The following PDZRN4 variants were observed in gnomAD, a reference collection of about 807,000 sequenced individuals.
The protein encoded by PDZRN4 is PDZ domain-containing RING finger protein 4.
Under a neutral mutation model 99.0 loss-of-function variants are expected in PDZRN4, and 70 were observed. That is an observed-to-expected ratio of 0.71 (90% CI 0.58 to 0.86). PDZRN4 has a LOEUF of 0.86. Among genes scored for constraint, PDZRN4 ranks in the 40% least tolerant of loss-of-function variants. PDZRN4 has a pLI of 0.00. For missense variants in PDZRN4, 1,474 were observed against 1,331.2 expected (o/e 1.11, Z -1.67); for synonymous variants, 551 against 501.6 (o/e 1.10, Z -1.32).
chr12:41,558,818 T>C (rs1939214397), intron 7 of PDZRN4, among the ~76,000 whole-genome samples: 1 of 152,174 alleles, frequency 6.6e-6, no homozygotes, highest in South Asian at 2.1e-4. Context: ...CAAAGAGTCT[T>C]AAGGGTGATT....
intron 4 of PDZRN4, among the ~76,000 whole-genome samples, chr12:41,507,744 A>G (rs1424762038): frequency 6.6e-6 from 1 of 152,272 alleles, no homozygotes. Flanking sequence ...ACACTTCTTG[A>G]GACTTCGAGT....
chr12:41,469,855 G>A (rs1047119396), intron 3 of PDZRN4, among the ~76,000 whole-genome samples: 2 of 152,142 alleles, frequency 1.3e-5, no homozygotes, highest in Non-Finnish European at 2.9e-5. Flanking sequence ...GTGTGAACCT[G>A]GGAGGCAGAG....
At chr12:41,413,457 C>G (rs1341607959) in intron 3 of PDZRN4, among the ~76,000 whole-genome samples, 1 of 152,060 alleles carries the variant, frequency 6.6e-6, no homozygotes, top group African/African-American at 2.4e-5. Context: ...TTCTATACCA[C>G]TGTAAGATGA....
At chr12:41,381,682 ACTT>A (rs1362761711) in intron 3 of PDZRN4, among the ~76,000 whole-genome samples, 1 of 152,000 alleles carries the variant, frequency 6.6e-6, no homozygotes, top group African/African-American at 2.4e-5. Context: ...AGTTCACTGA[ACTT>A]CATTTAAAGG....
intron 3 of PDZRN4, among the ~76,000 whole-genome samples, chr12:41,483,163 C>T (rs1937708087): frequency 6.6e-6 from 1 of 152,012 alleles, no homozygotes; most frequent in African/African-American, 2.4e-5. Flanking sequence ...ATTTTCCCCT[C>T]TTTATGAAAG....
chr12:41,334,578 C>T (rs1951761473), intron 3 of PDZRN4, among the ~76,000 whole-genome samples: 1 of 152,080 alleles, frequency 6.6e-6, no homozygotes, highest in South Asian at 2.1e-4. Context: ...GCAGGAGCTT[C>T]TCTCAGAACC....
chr12:41,521,527 C>G (rs1240720454), intron 5 of PDZRN4, among the ~76,000 whole-genome samples: 1 of 152,030 alleles, frequency 6.6e-6, no homozygotes, highest in Non-Finnish European at 1.5e-5. Context: ...ACGATTACAT[C>G]ATATTTGGAC....
intron 3 of PDZRN4, among the ~76,000 whole-genome samples, chr12:41,436,961 A>G (rs897056260): frequency 2.6e-5 from 4 of 152,232 alleles, no homozygotes; most frequent in Admixed American, 2.6e-4. Flanking sequence ...AATTTTTCTT[A>G]GAAAAGGCAT....
intron 3 of PDZRN4, among the ~76,000 whole-genome samples, chr12:41,447,777 T>C (rs766684963): frequency 6.6e-6 from 1 of 152,022 alleles, no homozygotes; most frequent in Non-Finnish European, 1.5e-5. Context: ...AATGTTAGAG[T>C]ACATGTTCAT....
intron 3 of PDZRN4, among the ~76,000 whole-genome samples, chr12:41,332,541 G>T (rs1349240419): frequency 6.6e-6 from 1 of 151,918 alleles, no homozygotes; most frequent in African/African-American, 2.4e-5. Flanking sequence ...TGATGGGAAA[G>T]ATCCTCTGAT....
chr12:41,324,576 A>G (rs1446675167), intron 3 of PDZRN4, among the ~76,000 whole-genome samples: 1 of 152,126 alleles, frequency 6.6e-6, no homozygotes, highest in African/African-American at 2.4e-5. Flanking sequence ...CTGGTTTGTC[A>G]TACATGTGTC....
chr12:41,261,111 C>T (rs1028646615), intron 3 of PDZRN4, among the ~76,000 whole-genome samples: 4 of 152,048 alleles, frequency 2.6e-5, no homozygotes, highest in Non-Finnish European at 4.4e-5. Context: ...ACATAGGATT[C>T]TCTGTCCTCT....
At chr12:41,257,121 A>G (rs1951209037) in intron 3 of PDZRN4, among the ~76,000 whole-genome samples, 1 of 152,192 alleles carries the variant, frequency 6.6e-6, no homozygotes, top group African/African-American at 2.4e-5. Flanking sequence ...TTGCAGCCTA[A>G]GTAATGCTTT....
intron 3 of PDZRN4, among the ~76,000 whole-genome samples, chr12:41,243,021 A>G (rs61587111): frequency 0.073 from 11,169 of 152,132 alleles, 803 homozygotes; most frequent in African/African-American, 0.19. Flanking sequence ...GGTAAGATTC[A>G]TTTCAGTATT....
rs1189709212 is a variant in PDZRN4, at chr12:41,322,174, G to C, written c.843+127986G>C. 2.6e-5 allele frequency among the ~76,000 whole-genome samples: 4 copies of C among 152,126 alleles called. No individual in the cohort carries two copies. In the South Asian group the frequency reaches 6.2e-4, roughly 24 times the overall value. On this transcript the variant is annotated intron_variant, in intron 3 of 9. Transcript: ENST00000402685. Reference sequence around the variant, plus strand: ...AGCCTCCCAAGTAGCTGGGACTACAGGAACGTGCCACCACACCCAGCTATT... The same window carrying C: ...AGCCTCCCAAGTAGCTGGGACTACACGAACGTGCCACCACACCCAGCTATT...
intron 3 of PDZRN4, among the ~76,000 whole-genome samples, chr12:41,205,128 A>G (rs1197345913): frequency 1.3e-5 from 2 of 151,964 alleles, no homozygotes; most frequent in Non-Finnish European, 2.9e-5. Context: ...TTATGTATTT[A>G]TTATTATTAG....
intron 3 of PDZRN4, among the ~76,000 whole-genome samples, chr12:41,446,107 G>T (rs1456531632): frequency 1.3e-5 from 2 of 151,952 alleles, no homozygotes; most frequent in East Asian, 3.9e-4. Flanking sequence ...CCTGTATTTC[G>T]ACATGTAACA....
intron 3 of PDZRN4, among the ~76,000 whole-genome samples, chr12:41,225,101 C>T (rs916425127): frequency 6.6e-6 from 1 of 152,086 alleles, no homozygotes; most frequent in African/African-American, 2.4e-5. Flanking sequence ...TCATGCTATA[C>T]TGAGAAAAAT....
intron 3 of PDZRN4, among the ~76,000 whole-genome samples, chr12:41,484,780 A>T (rs1937743005): frequency 6.6e-6 from 1 of 152,096 alleles, no homozygotes; most frequent in African/African-American, 2.4e-5. Context: ...TAACCCACAG[A>T]TGAAGCTTCT....
Sources: allele counts gnomAD v4.1 joint callset (sites outside exome capture counted in the v4.1 genomes callset), GRCh38; gene constraint gnomAD v4.1.1; transcripts MANE v1.5; gene names NCBI Gene and HGNC (gene_info 2026-07-23, HGNC 2026-07-21).